Variants in PITPNC1 observed in about 807,000 individuals in gnomAD.
PITPNC1 encodes the protein cytoplasmic phosphatidylinositol transfer protein 1.
Under a neutral mutation model 44.7 loss-of-function variants are expected in PITPNC1, and 18 were observed. The observed-to-expected ratio is 0.40, with a 90% confidence interval of 0.28 to 0.60. The LOEUF is 0.60. Among genes scored for constraint, PITPNC1 ranks in the 20% least tolerant of loss-of-function variants. PITPNC1 has a pLI of 0.39. For missense variants in PITPNC1, 290 were observed against 418.4 expected (o/e 0.69, Z 2.68); for synonymous variants, 141 against 149.6 (o/e 0.94, Z 0.42).
chr17:67,492,966 C>A (rs1278749759), intron 1 of PITPNC1, among the ~76,000 whole-genome samples: 1 of 152,188 alleles, frequency 6.6e-6, no homozygotes, highest in Non-Finnish European at 1.5e-5. Flanking sequence ...TGTTTCGTTC[C>A]TTTCTGATGA....
At position 67,414,973 on chromosome 17, in the gene PITPNC1, T is replaced by C. The variant is rs1265759478; in HGVS notation, c.48+36771T>C. Among the ~76,000 whole-genome samples, 6 of 152,126 alleles carry C rather than the reference T, an allele frequency of 3.9e-5. No homozygotes were observed. The East Asian group carries it at 1.2e-3, about 29-fold the overall frequency. ...TTGGCTCACTGCAACCTCTGCCTCCTGGGTTCAAGCGATTCTCCATCTCAG... is the reference window on the plus strand; with the variant it reads ...TTGGCTCACTGCAACCTCTGCCTCCCGGGTTCAAGCGATTCTCCATCTCAG... On this transcript the variant is annotated intron_variant, in intron 1 of 8. Transcript: ENST00000581322.
chr17:67,400,742 G>A (rs969868379), intron 1 of PITPNC1, among the ~76,000 whole-genome samples: 23 of 150,882 alleles, frequency 1.5e-4, no homozygotes, highest in African/African-American at 5.1e-4. Context: ...TTAAATGAAA[G>A]GCCTCTTTTT....
At chr17:67,589,919 G>A (rs1437940608) in intron 5 of PITPNC1, among the ~76,000 whole-genome samples, 1 of 152,084 alleles carries the variant, frequency 6.6e-6, no homozygotes, top group Non-Finnish European at 1.5e-5. Context: ...AGTGAGCTGA[G>A]ATCATACCAC....
At chr17:67,632,429 C>T (rs2041982389) in intron 6 of PITPNC1, 191 bp downstream of exon 6, 3 of 587,942 alleles carry the variant, frequency 5.1e-6, no homozygotes, top group Non-Finnish European at 9.1e-6. Flanking sequence ...ATCATTGGCC[C>T]TGGCTGTTAC....
chr17:67,500,999 A>G (rs2040020846), intron 1 of PITPNC1, among the ~76,000 whole-genome samples: 1 of 152,088 alleles, frequency 6.6e-6, no homozygotes, highest in Non-Finnish European at 1.5e-5. Flanking sequence ...CAAAAGAAAG[A>G]TTCTTAACTG....
chr17:67,583,438 A>C (rs1012579144), intron 5 of PITPNC1, among the ~76,000 whole-genome samples: 9 of 151,808 alleles, frequency 5.9e-5, no homozygotes, highest in African/African-American at 2.2e-4. Flanking sequence ...AAATACAAAA[A>C]TTAGCTGGGT....
At chr17:67,583,897 TTGTGTG>T (rs140251630) in intron 5 of PITPNC1, among the ~76,000 whole-genome samples, 1 of 106,390 alleles carries the variant, frequency 9.4e-6, no homozygotes, top group African/African-American at 3.4e-5. Context: ...GTGTGTGTGT[TTGTGTG>T]TGTGTGTGTT....
At chr17:67,664,560 A>T (rs545689016) in intron 6 of PITPNC1, among the ~76,000 whole-genome samples, 1 of 152,206 alleles carries the variant, frequency 6.6e-6, no homozygotes, top group South Asian at 2.1e-4. Flanking sequence ...GATGATTAGT[A>T]ATGCTAAGCA....
chr17:67,663,687 C>G (rs1178752571), intron 6 of PITPNC1, among the ~76,000 whole-genome samples: 1 of 152,086 alleles, frequency 6.6e-6, no homozygotes, highest in African/African-American at 2.4e-5. Context: ...CAGTGCTCCA[C>G]TCATTTTATA....
chr17:67,667,231 TATG>T (rs773189094), intron 6 of PITPNC1, among the ~76,000 whole-genome samples: 94 of 152,162 alleles, frequency 6.2e-4, no homozygotes, highest in Middle Eastern at 3.4e-3. Context: ...ACGTCTTCTT[TATG>T]ATAATGAAAA....
chr17:67,422,651 G>T (rs921459510), intron 1 of PITPNC1, among the ~76,000 whole-genome samples: 2 of 152,020 alleles, frequency 1.3e-5, no homozygotes, highest in Admixed American at 1.3e-4. Flanking sequence ...AGGTTCAAGA[G>T]ATTCTCCTGC....
At chr17:67,686,161 G>T (rs1465326141) in intron 8 of PITPNC1, among the ~76,000 whole-genome samples, 1 of 150,926 alleles carries the variant, frequency 6.6e-6, no homozygotes, top group African/African-American at 2.4e-5. Flanking sequence ...ATTAAGACAG[G>T]GTTTCTCAAC....
chr17:67,395,170 C>G lies in PITPNC1; in HGVS notation c.48+16968C>G, dbSNP rs201399879. Reference sequence around the variant, plus strand: ...ACCTGCTTATCTGGACAGGTTTTTTCTTTTTTTTTTTTTTAGAGATAGGGT... The same window carrying G: ...ACCTGCTTATCTGGACAGGTTTTTTGTTTTTTTTTTTTTTAGAGATAGGGT... On this transcript the variant is annotated intron_variant, in intron 1 of 8. Transcript: ENST00000581322. Among the ~76,000 whole-genome samples the G allele has an allele frequency of 5.0e-5, 7 of 140,978 alleles. No individual in the cohort carries two copies. In the Admixed American group the frequency reaches 5.0e-4, roughly 10 times the overall value. The allele number at this position is 140,978 out of a possible 152,430, so 92.5% of individuals were successfully genotyped here. A position where few individuals can be genotyped will look rare whatever the true frequency, so the allele number is the denominator to read the frequency against.
chr17:67,558,558 T>C (rs1273643562), intron 4 of PITPNC1, among the ~76,000 whole-genome samples: 4 of 152,150 alleles, frequency 2.6e-5, no homozygotes, highest in Non-Finnish European at 4.4e-5. Flanking sequence ...GATTTTCTTC[T>C]TGTTTGTAGG....
At chr17:67,514,494 G>C (rs966373996) in intron 1 of PITPNC1, among the ~76,000 whole-genome samples, 1 of 151,312 alleles carries the variant, frequency 6.6e-6, no homozygotes, top group Non-Finnish European at 1.5e-5. Flanking sequence ...CATCATGCCT[G>C]GCCAAATTCA....
chr17:67,692,453 G>A (rs939106452), intron 8 of PITPNC1, 119 bp from the exon 9 acceptor site: 33 of 706,660 alleles, frequency 4.7e-5, no homozygotes, highest in South Asian at 3.7e-4. Context: ...GTGTATAATC[G>A]GGAGAGGCCC....
chr17:67,621,913 T>C (rs1259899871), intron 5 of PITPNC1, among the ~76,000 whole-genome samples: 1 of 152,054 alleles, frequency 6.6e-6, no homozygotes, highest in East Asian at 1.9e-4. Flanking sequence ...AGCCAGGAGT[T>C]TGAGACGCAC....
chr17:67,674,358 G>T (rs1567772261), intron 7 of PITPNC1, among the ~76,000 whole-genome samples: 1 of 152,078 alleles, frequency 6.6e-6, no homozygotes, highest in Non-Finnish European at 1.5e-5. Context: ...ACAAAAATTA[G>T]CCAGGCATGG....
intron 1 of PITPNC1, among the ~76,000 whole-genome samples, chr17:67,495,037 G>GTT (rs2039925221): frequency 8.9e-4 from 71 of 79,400 alleles, no homozygotes; most frequent in African/African-American, 1.2e-3. Flanking sequence ...GAGCCATGGA[G>GTT]TTGTTTTTTT....
Sources: allele counts gnomAD v4.1 joint callset (sites outside exome capture counted in the v4.1 genomes callset), GRCh38; gene constraint gnomAD v4.1.1; transcripts MANE v1.5; gene names NCBI Gene and HGNC (gene_info 2026-07-23, HGNC 2026-07-21).